PAPPA2: variants seen among roughly 807,000 people sequenced by gnomAD.
PAPPA2 encodes the protein pappalysin-2.
PAPPA2 carries 86 observed loss-of-function variants against 176.4 expected under a neutral mutation model. The observed-to-expected ratio is 0.49, with a 90% CI of 0.41 to 0.58. The LOEUF is 0.58. Among genes scored for constraint, PAPPA2 ranks in the 20% least tolerant of loss-of-function variants. PAPPA2 has a pLI of 0.00. For synonymous variants in PAPPA2, 809 were observed against 852.2 expected, an observed-to-expected ratio of 0.95 and a Z score of 0.88; for missense variants, 2,073 against 2,256.9, an observed-to-expected ratio of 0.92 and a Z score of 1.65.
chr1:176,594,802 A>G lies in PAPPA2; in HGVS notation c.1198A>G (p.Met400Val), dbSNP rs773074290. 5.0e-6 allele frequency: 8 copies of G among 1,614,022 alleles called. No individual in the cohort carries two copies. The highest frequency in any genetic ancestry group is 6.8e-6 in the Non-Finnish European group (8 of 1,180,012). The change falls in exon 3 of 23, where the codon ATG becomes GTG. Residue 400 changes from methionine (M) to valine (V), a missense_variant. Physicochemically the swap from Met to Val is conservative, Grantham distance 21. Transcript: ENST00000367662. The part of the protein sequence containing the change: ...DQSGPLNSPF[M>V]ASCRSLLLGG... ...GTCTGGTCCCCTGAACAGCCCCTTC[A>G]TGGCATCTTGCCGCTCTTTGCTCCT...
At chr1:176,750,889 A>C (rs373950024) in intron 14 of PAPPA2, among the ~76,000 whole-genome samples, 33 of 152,316 alleles carry the variant, frequency 2.2e-4, no homozygotes, top group African/African-American at 7.5e-4. Flanking sequence ...CCTTGAACTG[A>C]GAATTTACCT....
intron 2 of PAPPA2, among the ~76,000 whole-genome samples, chr1:176,583,793 A>G (rs1653125923): frequency 6.6e-6 from 1 of 152,128 alleles, no homozygotes; most frequent in African/African-American, 2.4e-5. Flanking sequence ...AATGGCTCAC[A>G]CCTATAATCC....
intron 1 of PAPPA2, among the ~76,000 whole-genome samples, chr1:176,522,674 A>G (rs545604595): frequency 1.1e-4 from 17 of 152,348 alleles, no homozygotes; most frequent in Admixed American, 1.0e-3. Context: ...AGCAAACATA[A>G]TAAACCTGGG....
chr1:176,764,277 A>C (rs1435877178), intron 14 of PAPPA2, among the ~76,000 whole-genome samples: 1 of 152,216 alleles, frequency 6.6e-6, no homozygotes. Flanking sequence ...GCCTTTTAGA[A>C]ATCTCAACAA....
intron 2 of PAPPA2, among the ~76,000 whole-genome samples, chr1:176,564,722 CT>C (rs71299415): frequency 2.1e-3 from 284 of 133,890 alleles, no homozygotes; most frequent in East Asian, 4.4e-3. Flanking sequence ...CTTTCCTTTT[CT>C]TTTTTTTTTT....
chr1:176,581,292 G>C (rs1314095017), intron 2 of PAPPA2, among the ~76,000 whole-genome samples: 1 of 152,014 alleles, frequency 6.6e-6, no homozygotes, highest in Non-Finnish European at 1.5e-5. Flanking sequence ...TTAATTTCTG[G>C]GTTCTCTATT....
At chr1:176,465,053 T>C (rs1207001397) in intron 1 of PAPPA2, among the ~76,000 whole-genome samples, 2 of 152,248 alleles carry the variant, frequency 1.3e-5, no homozygotes, top group East Asian at 3.8e-4. Context: ...TATTTGCTAT[T>C]TCCCAAGACA....
At chr1:176,632,920 G>C (rs1558485165) in intron 3 of PAPPA2, among the ~76,000 whole-genome samples, 1 of 152,044 alleles carries the variant, frequency 6.6e-6, no homozygotes, top group African/African-American at 2.4e-5. Context: ...AAGGAGAGGA[G>C]AAAGGAGAAG....
intron 17 of PAPPA2, among the ~76,000 whole-genome samples, chr1:176,775,262 A>C (rs2102918474): frequency 6.6e-6 from 1 of 152,262 alleles, no homozygotes; most frequent in South Asian, 2.1e-4. Flanking sequence ...ATACTTTCTA[A>C]ATGGGTAAAA....
rs899944592 is a variant in PAPPA2, at chr1:176,808,245, G to C, written c.5202+8113G>C. ...CTCCCTCCCAATTCTTTTATGTCAA[G>C]TCAGGTGTGAAATACAATGATTTGC... On this transcript the variant is annotated intron_variant, in intron 21 of 22. Coordinates refer to ENST00000367662, the MANE Select transcript of PAPPA2 (RefSeq NM_020318.3). Among the ~76,000 whole-genome samples, 13 of 152,292 alleles carry C rather than the reference G, an allele frequency of 8.5e-5. No homozygotes were observed. The East Asian group carries it at 2.5e-3, about 29-fold the overall frequency.
chr1:176,690,922 A>T, intron 5 of PAPPA2: 4 of 985,256 alleles, frequency 4.1e-6, no homozygotes, highest in Non-Finnish European at 4.8e-6. Context: ...AAAAAAAAAA[A>T]AAAAAAAAAT....
chr1:176,541,711 A>T (rs963019644), intron 1 of PAPPA2, among the ~76,000 whole-genome samples: 2 of 152,130 alleles, frequency 1.3e-5, no homozygotes, highest in Non-Finnish European at 2.9e-5. Context: ...TATTTTTTGT[A>T]CTCTTTAAAT....
intron 1 of PAPPA2, among the ~76,000 whole-genome samples, chr1:176,552,258 C>A (rs925520959): frequency 7.2e-5 from 11 of 151,834 alleles, no homozygotes; most frequent in Admixed American, 3.9e-4. Flanking sequence ...CTTTCTCCTC[C>A]CAGAATCTTC....
At chr1:176,776,319 T>C (rs760001479) in intron 17 of PAPPA2, among the ~76,000 whole-genome samples, 12 of 152,180 alleles carry the variant, frequency 7.9e-5, no homozygotes, top group African/African-American at 1.2e-4. Context: ...AGTTAGTCAA[T>C]CTCTGTTTCT....
chr1:176,631,407 C>T (rs1028867120), intron 3 of PAPPA2, among the ~76,000 whole-genome samples: 8 of 152,096 alleles, frequency 5.3e-5, no homozygotes, highest in African/African-American at 1.9e-4. Context: ...GAGATAGTAG[C>T]TAAGAGAGAC....
intron 21 of PAPPA2, among the ~76,000 whole-genome samples, chr1:176,805,810 C>G (rs1046387591): frequency 6.6e-6 from 1 of 151,786 alleles, no homozygotes; most frequent in Admixed American, 6.6e-5. Context: ...TAGCAAGACC[C>G]TCATCTTTAC....
At chr1:176,722,056 A>G (rs1661648400) in intron 12 of PAPPA2, among the ~76,000 whole-genome samples, 1 of 152,078 alleles carries the variant, frequency 6.6e-6, no homozygotes, top group Non-Finnish European at 1.5e-5. Flanking sequence ...TTGTTATTGT[A>G]TTTTTAACTT....
At chr1:176,522,691 C>A (rs139664801) in intron 1 of PAPPA2, among the ~76,000 whole-genome samples, 22 of 152,236 alleles carry the variant, frequency 1.4e-4, no homozygotes, top group Admixed American at 9.2e-4. Flanking sequence ...TGGGCTTCAC[C>A]TGACTCATTG....
chr1:176,690,001 T>C (rs1279135660), intron 4 of PAPPA2, 136 bp from the exon 5 acceptor site: 1 of 768,292 alleles, frequency 1.3e-6, no homozygotes, highest in Non-Finnish European at 2.1e-6. Flanking sequence ...AAGCAATGAC[T>C]GTATGTTACC....
Sources: gnomAD v4.1 joint callset for allele counts (sites outside exome capture counted in the v4.1 genomes callset) on GRCh38, gnomAD v4.1.1 for gene constraint, MANE v1.5 for transcripts, NCBI Gene and HGNC (gene_info 2026-07-23, HGNC 2026-07-21) for gene names.